Variants in TDRD10 observed in about 807,000 individuals in gnomAD.
The protein encoded by TDRD10 is tudor domain-containing protein 10.
Under a neutral mutation model 48.0 loss-of-function variants are expected in TDRD10, and 40 were observed. That is an observed-to-expected ratio of 0.83 (90% confidence interval 0.65 to 1.09). The LOEUF is 1.09. Among genes scored for constraint, TDRD10 ranks in the 50% least tolerant of loss-of-function variants. The pLI, the probability that TDRD10 is intolerant of heterozygous loss-of-function variation, is 0.00. For synonymous variants in TDRD10, 162 were observed against 170.4 expected (o/e 0.95, Z 0.38); for missense variants, 378 against 434.7 (o/e 0.87, Z 1.16).
intron 6 of TDRD10, among the ~76,000 whole-genome samples, chr1:154,532,600 C>T (rs867440631): frequency 1.3e-5 from 2 of 152,176 alleles, no homozygotes; most frequent in African/African-American, 2.4e-5. Context: ...CGAGAGCGAG[C>T]GAGGGCTGCG....
chr1:154,538,323 C>T (rs1008115662), intron 6 of TDRD10, among the ~76,000 whole-genome samples: 9 of 151,610 alleles, frequency 5.9e-5, no homozygotes, highest in Non-Finnish European at 1.0e-4. Flanking sequence ...CCGAGGTGGG[C>T]GGATCACCTG....
rs1695696761 is a variant in TDRD10, at chr1:154,547,915, C to G, written c.*205C>G. The G allele has an allele frequency of 1.6e-6, 1 of 620,218 alleles. No homozygotes were observed. The highest frequency in any genetic ancestry group is 2.8e-6 in the Non-Finnish European group (1 of 355,228). The allele number at this position is 620,218 out of a possible 1,614,324, so 38.4% of individuals were successfully genotyped here. On this transcript the variant is annotated 3_prime_UTR_variant, in exon 13 of 13. Coordinates refer to ENST00000368482, the MANE Select transcript of TDRD10 (RefSeq NM_182499.4). ...CATTTGTCATGTGTCTTCAGTTCCC[C>G]AACTTGGCATGAACATTTGAACCAA...
chr1:154,546,481 A>T (rs1012317332), intron 11 of TDRD10, among the ~76,000 whole-genome samples: 10 of 147,456 alleles, frequency 6.8e-5, no homozygotes, highest in Non-Finnish European at 1.0e-4. Flanking sequence ...ATAATATATA[A>T]TACGTGATAT....
chr1:154,544,387 A>T lies in TDRD10; in HGVS notation c.667A>T (p.Met223Leu). ...CACCCCACAGGCTCTGCACCAGAAC[A>T]TGCAGGCTCTGTTTAGCACCCTGGC... is the stretch of plus-strand genomic sequence containing the variant. The part of the protein sequence containing the change: ...MHVTEALHQN[M>L]QALFSTLAQA... The change falls in exon 10 of 13, where the codon ATG becomes TTG. Residue 223 changes from methionine to leucine, a missense_variant. Met to Leu is a conservative substitution (Grantham distance 15). Around this residue, in one of 2 missense-constraint regions of TDRD10, gnomAD observed 310 missense variants for 323.6 expected, o/e 0.96. Coordinates refer to ENST00000368482, the MANE Select transcript of TDRD10 (RefSeq NM_182499.4). 1 of 1,589,102 alleles carries T rather than the reference A, an allele frequency of 6.3e-7. No individual in the cohort carries two copies. The highest frequency in any genetic ancestry group is 1.8e-5 in the Admixed American group (1 of 54,292).
intron 4 of TDRD10, among the ~76,000 whole-genome samples, chr1:154,515,565 C>G (rs1426794755): frequency 6.6e-6 from 1 of 152,242 alleles, no homozygotes; most frequent in African/African-American, 2.4e-5. Context: ...GGGCCTTGCA[C>G]CTATGGCACT....
intron 4 of TDRD10, among the ~76,000 whole-genome samples, chr1:154,519,538 C>T (rs534782844): frequency 4.6e-5 from 7 of 152,248 alleles, no homozygotes; most frequent in African/African-American, 1.7e-4. Flanking sequence ...GAAGCCATCA[C>T]AGTGGGCAGC....
At chr1:154,521,578 C>G in intron 6 of TDRD10, 99 bp downstream of exon 6, 1 of 1,377,830 alleles carries the variant, frequency 7.3e-7, no homozygotes, top group Non-Finnish European at 9.9e-7. Flanking sequence ...CCAGTCCAGT[C>G]TGACTGTGGA....
chr1:154,507,197 A>C lies in TDRD10; in HGVS notation c.3-44A>C, dbSNP rs1349188138. Reference sequence around the variant, plus strand: ...TGCCTGACACGTTTCCTTTTGTCGGAGTCTGAGCTTGGGAGGTTCGATGCT... The same window carrying C: ...TGCCTGACACGTTTCCTTTTGTCGGCGTCTGAGCTTGGGAGGTTCGATGCT... On this transcript the variant is annotated intron_variant, in intron 2 of 12. Coordinates refer to ENST00000368482, the MANE Select transcript of TDRD10 (RefSeq NM_182499.4). 5 of 1,612,644 alleles carry C rather than the reference A, an allele frequency of 3.1e-6. No individual in the cohort carries two copies. In the African/African-American group the frequency reaches 6.7e-5, roughly 22 times the overall value.
chr1:154,521,313 C>G lies in TDRD10; in HGVS notation c.213-10C>G. On this transcript the variant is annotated splice_polypyrimidine_tract_variant and intron_variant, in intron 5 of 12. Coordinates refer to ENST00000368482, the MANE Select transcript of TDRD10 (RefSeq NM_182499.4). ...TGCTCAAAGCCTCCCTCTCTCTCTTCCCTTTTCAGCTTTGCATTTGTAGAT... is the reference window on the plus strand; with the variant it reads ...TGCTCAAAGCCTCCCTCTCTCTCTTGCCTTTTCAGCTTTGCATTTGTAGAT... 6.2e-7 allele frequency: 1 copy of G among 1,613,886 alleles called. No homozygotes were observed. The highest frequency in any genetic ancestry group is 8.5e-7 in the Non-Finnish European group (1 of 1,179,848).
intron 3 of TDRD10, among the ~76,000 whole-genome samples, chr1:154,507,963 C>T (rs759014191): frequency 2.6e-5 from 4 of 152,184 alleles, no homozygotes; most frequent in Admixed American, 6.5e-5. Flanking sequence ...TCGGGAAGCA[C>T]AACCCCGTGG....
intron 4 of TDRD10, among the ~76,000 whole-genome samples, chr1:154,517,601 T>C (rs1462663584): frequency 2.6e-5 from 4 of 152,074 alleles, no homozygotes; most frequent in Non-Finnish European, 5.9e-5. Flanking sequence ...TTTGTATTTT[T>C]AGTAGAGACG....
At chr1:154,511,507 A>G (rs1693473016) in intron 4 of TDRD10, among the ~76,000 whole-genome samples, 1 of 150,966 alleles carries the variant, frequency 6.6e-6, no homozygotes, top group African/African-American at 2.4e-5. Flanking sequence ...AATTATTACT[A>G]ATAATACTAA....
chr1:154,531,525 C>G (rs1283459920), intron 6 of TDRD10, among the ~76,000 whole-genome samples: 6 of 152,050 alleles, frequency 3.9e-5, no homozygotes, highest in Admixed American at 3.9e-4. Context: ...TTTAAGGCGG[C>G]ACATCTGGAG....
chr1:154,532,184 C>G (rs553082869), intron 6 of TDRD10, among the ~76,000 whole-genome samples: 2 of 152,142 alleles, frequency 1.3e-5, no homozygotes, highest in Non-Finnish European at 2.9e-5. Flanking sequence ...GAGCCCATGG[C>G]GGGGTGGTGG....
intron 6 of TDRD10, among the ~76,000 whole-genome samples, chr1:154,538,815 T>C (rs538662957): frequency 2.0e-5 from 2 of 99,664 alleles, no homozygotes; most frequent in Non-Finnish European, 4.7e-5. Context: ...ATTGCATCAC[T>C]GCACTCCAGC....
chr1:154,539,000 A>G (rs952395553), intron 6 of TDRD10, among the ~76,000 whole-genome samples: 38 of 152,308 alleles, frequency 2.5e-4, no homozygotes, highest in African/African-American at 8.9e-4. Flanking sequence ...AACTCATTTA[A>G]TTACAGCAGT....
In TDRD10 at chr1:154,547,844, A is replaced by G. The variant is rs749923612; in HGVS notation, c.*134A>G. Reference sequence around the variant, plus strand: ...CCAGACTGTGCCCAGGATTGATTCAATTTTGCTTTTACTCCCAGCTTCCCT... The same window carrying G: ...CCAGACTGTGCCCAGGATTGATTCAGTTTTGCTTTTACTCCCAGCTTCCCT... On this transcript the variant is annotated 3_prime_UTR_variant, in exon 13 of 13. Coordinates refer to ENST00000368482, the MANE Select transcript of TDRD10 (RefSeq NM_182499.4). 8 of 1,144,712 alleles carry G rather than the reference A, an allele frequency of 7.0e-6. No homozygotes were observed. The East Asian group carries it at 7.2e-5, about 10-fold the overall frequency. The allele number at this position is 1,144,712 out of a possible 1,614,324, so 70.9% of individuals were successfully genotyped here.
rs781694286 is a variant in TDRD10 at position 154,521,959 on chromosome 1, G to T, written c.369+480G>T. On this transcript the variant is annotated intron_variant, in intron 6 of 12. Coordinates refer to ENST00000368482, the MANE Select transcript of TDRD10 (RefSeq NM_182499.4). ...TGCCTCTGCAAGCAGAGAAGATAAG[G>T]TCCATAACTAACCCCTGGGAGCTTC... 2.7e-4 allele frequency among the ~76,000 whole-genome samples: 41 copies of T among 152,130 alleles called. 1 individual carries two copies. The highest frequency in any genetic ancestry group is 4.9e-4 in the Non-Finnish European group (33 of 68,026).
At chr1:154,511,610 G>A (rs912103126) in intron 4 of TDRD10, among the ~76,000 whole-genome samples, 2 of 152,210 alleles carry the variant, frequency 1.3e-5, no homozygotes, top group East Asian at 3.9e-4. Context: ...AGCACTTTGG[G>A]AGGCTGAGGT....
Sources: gnomAD v4.1 joint callset for allele counts (sites outside exome capture counted in the v4.1 genomes callset) on GRCh38, gnomAD v4.1.1 for gene constraint, gnomAD v4.1.1 regional missense constraint, MANE v1.5 for transcripts, NCBI Gene and HGNC (gene_info 2026-07-23, HGNC 2026-07-21) for gene names.